Variants in FBXW11 observed in about 807,000 individuals in gnomAD.
The protein encoded by FBXW11 is F-box/WD repeat-containing protein 11.
FBXW11 carries 19 observed loss-of-function variants against 77.6 expected under a neutral mutation model. The ratio of observed to expected loss-of-function variants is 0.24; its 90% CI spans 0.17 to 0.36. The LOEUF (loss-of-function observed/expected upper bound fraction) is 0.36. Ranked by LOEUF, FBXW11 falls within the 10% of genes least tolerant of loss-of-function variation. The probability of loss-of-function intolerance (pLI) is 1.00; values close to 1 mark genes in which losing one functional copy is unlikely to be tolerated. For missense variants in FBXW11, 334 were observed against 704.2 expected (o/e 0.47, Z 5.95); for synonymous variants, 235 against 249.4 (o/e 0.94, Z 0.54).
intron 1 of FBXW11, among the ~76,000 whole-genome samples, chr5:171,963,023 TC>T (rs1476780205): frequency 6.6e-6 from 1 of 152,164 alleles, no homozygotes; most frequent in East Asian, 1.9e-4. Flanking sequence ...TTCTTCTCAC[TC>T]CTGTCATCAT....
In FBXW11 at chr5:171,876,934, T is replaced by C. The variant is rs1451789587; in HGVS notation, c.972-400A>G. 6.6e-6 allele frequency among the ~76,000 whole-genome samples: 1 copy of C among 152,240 alleles called. No homozygotes were observed. Among genetic ancestry groups the C allele is most frequent in the African/African-American group, 2.4e-5 (1 of 41,468 alleles). The stretch of plus-strand genomic sequence containing the variant: ...TCATCAGAAGTAGATGCTGGTGCCA[T>C]GCTTCTTGCAGAGCCTGCAGAACCA... On this transcript the variant is annotated intron_variant, in intron 8 of 13. Transcript: ENST00000517395. The surrounding 1 kb of genome is among the most constrained non-coding windows in gnomAD (Gnocchi z 4.2).
rs1425844639 is a variant in FBXW11, at chr5:171,869,752, T to C, written c.1507A>G (p.Thr503Ala). Reference sequence around the variant, plus strand: ...ACCACCAATGTGCGCAAACACAATGTGCTTGCTGGGGCTCGAGGGTCAAGA... The same window carrying C: ...ACCACCAATGTGCGCAAACACAATGCGCTTGCTGGGGCTCGAGGGTCAAGA... ...AALDPRAPAS[T>A]LCLRTLVEHS... is the part of the protein sequence containing the mutation. The change falls in exon 12 of 14, where the codon ACA (threonine) becomes GCA (alanine). Residue 503 changes from threonine (T) to alanine (A), a missense_variant. Physicochemically the swap from Thr to Ala is moderately conservative, Grantham distance 58 (BLOSUM62 0). Around this residue, in one of 10 missense-constraint regions of FBXW11, gnomAD observed 30 missense variants for 50.7 expected, o/e 0.59. Coordinates refer to ENST00000517395, the MANE Select transcript of FBXW11 (RefSeq NM_001378974.1). This position sits in a 1 kb window ranked among gnomAD's most constrained non-coding sequence, Gnocchi z 4.1. The C allele has an allele frequency of 6.2e-7, 1 of 1,611,686 alleles. No individual in the cohort carries two copies. The highest frequency in any genetic ancestry group is 2.2e-5 in the East Asian group (1 of 44,740).
chr5:171,870,121 C>CTAGGGCTGAG (rs1029378870), intron 11 of FBXW11, among the ~76,000 whole-genome samples: 3 of 152,158 alleles, frequency 2.0e-5, no homozygotes, highest in Admixed American at 2.0e-4. Flanking sequence ...AGGGGACTCT[C>CTAGGGCTGAG]TAGGGCTGAG....
intron 6 of FBXW11, among the ~76,000 whole-genome samples, chr5:171,893,954 G>C (rs1173632611): frequency 6.6e-6 from 1 of 151,620 alleles, no homozygotes; most frequent in Non-Finnish European, 1.5e-5. Context: ...GAGTCTGAGG[G>C]GGAAACAATT....
intron 2 of FBXW11, among the ~76,000 whole-genome samples, chr5:171,953,793 G>C (rs1246925387): frequency 2.0e-5 from 3 of 152,166 alleles, no homozygotes; most frequent in Non-Finnish European, 4.4e-5. Context: ...AGGTTTGTCT[G>C]CACCAAAGCC....
At chr5:171,865,635 A>G (rs1757341282) in intron 13 of FBXW11, among the ~76,000 whole-genome samples, 1 of 152,240 alleles carries the variant, frequency 6.6e-6, no homozygotes. Context: ...TTAGTGGTAA[A>G]CCACGAGCAG....
intron 6 of FBXW11, among the ~76,000 whole-genome samples, chr5:171,895,667 A>G (rs562139855): frequency 6.9e-4 from 105 of 152,356 alleles, no homozygotes; most frequent in Admixed American, 1.8e-3. Context: ...AACAACTCCT[A>G]TCTCTCTGTT....
chr5:171,893,446 A>AAAAAAAAAAAAAAAAAC, intron 6 of FBXW11, among the ~76,000 whole-genome samples: 1 of 147,990 alleles, frequency 6.8e-6, no homozygotes, highest in Non-Finnish European at 1.5e-5. Flanking sequence ...AAAAAAAAAA[A>AAAAAAAAAAAAAAAAAC]ACTAACCCAA....
intron 7 of FBXW11, among the ~76,000 whole-genome samples, chr5:171,890,404 T>A (rs1167037801): frequency 1.4e-5 from 2 of 147,514 alleles, no homozygotes; most frequent in African/African-American, 5.0e-5. Flanking sequence ...ATGCCTGTAG[T>A]CCCAGCTACT....
intron 7 of FBXW11, 152 bp from the exon 8 acceptor site, chr5:171,878,281 A>G (rs1163291398): frequency 1.6e-6 from 1 of 619,464 alleles, no homozygotes; most frequent in African/African-American, 1.9e-5. Context: ...AGAAATGACA[A>G]GAAGGAATAC....
At chr5:171,889,093 A>G (rs1561651422) in intron 7 of FBXW11, among the ~76,000 whole-genome samples, 1 of 152,256 alleles carries the variant, frequency 6.6e-6, no homozygotes, top group African/African-American at 2.4e-5. Flanking sequence ...ATTTGAAAAA[A>G]TAATGGCTGA....
chr5:172,005,352 A>G (rs1484450766), intron 1 of FBXW11, among the ~76,000 whole-genome samples: 2 of 152,320 alleles, frequency 1.3e-5, no homozygotes, highest in East Asian at 3.9e-4. Context: ...GGACATGTCC[A>G]TTTGCTGATG....
intron 1 of FBXW11, chr5:171,997,177 C>G: frequency 1.5e-6 from 1 of 675,200 alleles, no homozygotes. Flanking sequence ...AGTTATAACC[C>G]CTGAGTCAGC....
chr5:171,886,806 G>C (rs1419927643), intron 7 of FBXW11, among the ~76,000 whole-genome samples: 2 of 152,050 alleles, frequency 1.3e-5, no homozygotes, highest in Admixed American at 1.3e-4. Flanking sequence ...TTGAGGTCAA[G>C]AGTTTGAGAC....
intron 1 of FBXW11, among the ~76,000 whole-genome samples, chr5:171,988,106 C>T (rs1234234688): frequency 1.3e-5 from 2 of 152,180 alleles, no homozygotes; most frequent in Non-Finnish European, 2.9e-5. Flanking sequence ...AATATTACAT[C>T]TGAATCAGAA....
chr5:171,899,737 T>C (rs1383219284), intron 5 of FBXW11, among the ~76,000 whole-genome samples, 177 bp downstream of exon 5: 1 of 152,150 alleles, frequency 6.6e-6, no homozygotes, highest in Non-Finnish European at 1.5e-5. Context: ...GAAATACACA[T>C]TTCAGAGGGA....
chr5:171,951,137 G>A (rs947790667), intron 2 of FBXW11, among the ~76,000 whole-genome samples: 12 of 151,064 alleles, frequency 7.9e-5, no homozygotes, highest in Non-Finnish European at 1.6e-4. Flanking sequence ...ATACAAAATC[G>A]TACAAGCCTA....
chr5:171,888,744 AGATGCT>A (rs1440907829), intron 7 of FBXW11, among the ~76,000 whole-genome samples: 1 of 152,268 alleles, frequency 6.6e-6, no homozygotes, highest in Non-Finnish European at 1.5e-5. Context: ...GAGGTTACCC[AGATGCT>A]GACATGGTTA....
rs1432142989 is a variant in FBXW11 at position 171,952,443 on chromosome 5, A to AT, written c.147+5153dup. 8.0e-3 allele frequency among the ~76,000 whole-genome samples: 86 copies of AT among 10,766 alleles called. 5 individuals are homozygous for AT. Among genetic ancestry groups the AT allele is most frequent in the African/African-American group, 0.018 (80 of 4,568 alleles). The allele number at this position is 10,766 out of a possible 152,430, so 7.1% of individuals were successfully genotyped here. A position where few individuals can be genotyped will look rare whatever the true frequency, so the allele number is the denominator to read the frequency against. On this transcript the variant is annotated intron_variant, in intron 2 of 13. Coordinates refer to ENST00000517395, the MANE Select transcript of FBXW11 (RefSeq NM_001378974.1). ...CATACATATATATATATATATATAT[A>AT]TATATTTTTTTTTTTTTTTTTTTTT...
Sources: allele counts gnomAD v4.1 joint callset (sites outside exome capture counted in the v4.1 genomes callset), GRCh38; gene constraint gnomAD v4.1.1; regional missense constraint gnomAD v4.1.1; non-coding constraint Gnocchi (gnomAD v3.1); transcripts MANE v1.5; gene names NCBI Gene and HGNC (gene_info 2026-07-23, HGNC 2026-07-21).